PHLPP1: variants seen among roughly 807,000 people sequenced by gnomAD.
PHLPP1 encodes the protein PH domain leucine-rich repeat-containing protein phosphatase 1.
In PHLPP1, 42 loss-of-function variants were observed where a neutral mutation model predicts 117.2. That is an observed-to-expected ratio of 0.36 (90% CI 0.28 to 0.46). The LOEUF (loss-of-function observed/expected upper bound fraction) is 0.46, where lower values mean the gene tolerates loss of function less well. PHLPP1 is among the 20% of genes least tolerant of loss of function. PHLPP1 has a pLI of 1.00. For synonymous variants in PHLPP1, 1,042 were observed against 970.7 expected, an observed-to-expected ratio of 1.07 and a Z score of -1.37; for missense variants, 2,084 against 2,241.9, an observed-to-expected ratio of 0.93 and a Z score of 1.42.
chr18:62,958,852 C>T, intron 13 of PHLPP1, 93 bp downstream of exon 13: 4 of 1,406,216 alleles, frequency 2.8e-6, no homozygotes, highest in South Asian at 1.2e-5. Flanking sequence ...TATGAAGCAT[C>T]ATTGACTTGT....
chr18:62,935,592 T>TA (rs1337581796), intron 10 of PHLPP1, among the ~76,000 whole-genome samples: 2 of 152,166 alleles, frequency 1.3e-5, no homozygotes, highest in African/African-American at 4.8e-5. Context: ...AAACTATTAA[T>TA]ACAAGGGAGA....
chr18:62,826,567 T>C (rs1914618068), intron 1 of PHLPP1, among the ~76,000 whole-genome samples: 1 of 152,244 alleles, frequency 6.6e-6, no homozygotes, highest in South Asian at 2.1e-4. Flanking sequence ...GAACATTTTC[T>C]TGATACCTCT....
intron 1 of PHLPP1, among the ~76,000 whole-genome samples, chr18:62,740,994 A>T (rs769357515): frequency 2.0e-5 from 3 of 152,128 alleles, no homozygotes; most frequent in Non-Finnish European, 4.4e-5. Flanking sequence ...AAAAAAAAAG[A>T]ATATAATTGC....
chr18:62,926,055 CT>C (rs1244851467), intron 10 of PHLPP1, among the ~76,000 whole-genome samples: 7 of 152,326 alleles, frequency 4.6e-5, no homozygotes, highest in Admixed American at 1.3e-4. Flanking sequence ...CCCCTCTCTG[CT>C]TTTTAAAGTG....
chr18:62,792,984 G>T (rs1419503812), intron 1 of PHLPP1, among the ~76,000 whole-genome samples: 1 of 151,906 alleles, frequency 6.6e-6, no homozygotes, highest in African/African-American at 2.4e-5. Context: ...AGACCAGCCT[G>T]GCCAACATGG....
chr18:62,824,294 C>T (rs962360128), intron 1 of PHLPP1: 1 of 410,586 alleles, frequency 2.4e-6, no homozygotes, highest in Non-Finnish European at 4.7e-6. Flanking sequence ...CCAGTGTTCT[C>T]CATCAAAATA....
At chr18:62,743,207 C>T (rs1003539983) in intron 1 of PHLPP1, among the ~76,000 whole-genome samples, 15 of 151,998 alleles carry the variant, frequency 9.9e-5, no homozygotes, top group African/African-American at 3.4e-4. Context: ...TTCTTTTTCC[C>T]TCTCTTGGTT....
chr18:62,722,653 GATAAT>G (rs1300719334), intron 1 of PHLPP1, among the ~76,000 whole-genome samples: 1 of 152,068 alleles, frequency 6.6e-6, no homozygotes, highest in Non-Finnish European at 1.5e-5. Flanking sequence ...GCTTTCTAAA[GATAAT>G]ATAATTAAAC....
At chr18:62,899,701 T>A (rs895381637) in intron 6 of PHLPP1, among the ~76,000 whole-genome samples, 4 of 152,196 alleles carry the variant, frequency 2.6e-5, no homozygotes, top group African/African-American at 9.6e-5. Flanking sequence ...ACCATCACCA[T>A]AGCCCTTCTA....
At chr18:62,722,790 TAGGA>T (rs1283579301) in intron 1 of PHLPP1, among the ~76,000 whole-genome samples, 1 of 152,162 alleles carries the variant, frequency 6.6e-6, no homozygotes, top group Non-Finnish European at 1.5e-5. Context: ...CTCAAGTACT[TAGGA>T]AGAATAGACT....
chr18:62,865,314 A>G (rs933763095), intron 4 of PHLPP1, among the ~76,000 whole-genome samples: 1 of 152,222 alleles, frequency 6.6e-6, no homozygotes, highest in South Asian at 2.1e-4. Context: ...CAACAGAGGG[A>G]AAACCTGTCT....
chr18:62,891,190 G>A (rs1020131013), intron 4 of PHLPP1, among the ~76,000 whole-genome samples: 2 of 152,078 alleles, frequency 1.3e-5, no homozygotes, highest in African/African-American at 4.8e-5. Flanking sequence ...GTTTCATATG[G>A]CAATCTTATT....
chr18:62,733,579 C>A (rs143192089), intron 1 of PHLPP1, among the ~76,000 whole-genome samples: 345 of 152,228 alleles, frequency 2.3e-3, no homozygotes, highest in African/African-American at 6.3e-3. Context: ...TTTACTATAT[C>A]GTGATCCTTT....
intron 10 of PHLPP1, among the ~76,000 whole-genome samples, chr18:62,940,391 A>C (rs1354982605): frequency 2.4e-5 from 2 of 84,528 alleles, no homozygotes; most frequent in Non-Finnish European, 4.2e-5. Context: ...TTGAGATGGA[A>C]TCTCGCTCTG....
intron 1 of PHLPP1, among the ~76,000 whole-genome samples, chr18:62,737,475 A>G (rs1402360609): frequency 6.6e-6 from 1 of 152,226 alleles, no homozygotes; most frequent in Admixed American, 6.5e-5. Flanking sequence ...GGGACTAACT[A>G]GAAACTTGAA....
chr18:62,749,661 G>C (rs1399274055), intron 1 of PHLPP1, among the ~76,000 whole-genome samples: 1 of 152,134 alleles, frequency 6.6e-6, no homozygotes, highest in Non-Finnish European at 1.5e-5. Context: ...GTCCTCACTT[G>C]GTGTTTCCAG....
At chr18:62,926,602 G>A (rs918185524) in intron 10 of PHLPP1, among the ~76,000 whole-genome samples, 5 of 152,068 alleles carry the variant, frequency 3.3e-5, no homozygotes, top group South Asian at 2.1e-4. Context: ...TTTGCACCAC[G>A]ATGATTCTCA....
At chr18:62,921,019 C>T (rs1190134491) in intron 10 of PHLPP1, among the ~76,000 whole-genome samples, 3 of 152,204 alleles carry the variant, frequency 2.0e-5, no homozygotes, top group African/African-American at 7.2e-5. Flanking sequence ...TTAATTTCAA[C>T]ATTAAATGAA....
intron 1 of PHLPP1, among the ~76,000 whole-genome samples, chr18:62,766,935 T>A (rs970592282): frequency 1.3e-5 from 2 of 152,120 alleles, no homozygotes; most frequent in African/African-American, 4.8e-5. Flanking sequence ...GATGTATAGA[T>A]TTATAAATGT....
Sources: gnomAD v4.1 joint callset for allele counts (sites outside exome capture counted in the v4.1 genomes callset) on GRCh38, gnomAD v4.1.1 for gene constraint, MANE v1.5 for transcripts, NCBI Gene and HGNC (gene_info 2026-07-23, HGNC 2026-07-21) for gene names.